SUMF1: variants seen among roughly 807,000 people sequenced by gnomAD.
The protein encoded by SUMF1 is formylglycine-generating enzyme.
A neutral mutation model predicts 47.6 loss-of-function variants in SUMF1; 48 were observed. The observed-to-expected ratio is 1.01, with a 90% CI of 0.80 to 1.28. The LOEUF (loss-of-function observed/expected upper bound fraction) is 1.28. SUMF1 is among the 50% of genes most tolerant of loss of function. The pLI, the probability that SUMF1 is intolerant of heterozygous loss-of-function variation, is 0.00. For synonymous variants in SUMF1, 230 were observed against 192.1 expected (o/e 1.20, Z -1.63); for missense variants, 571 against 485.4 (o/e 1.18, Z -1.66).
chr3:4,372,106 G>A (rs748462923), intron 8 of SUMF1, among the ~76,000 whole-genome samples: 11 of 152,088 alleles, frequency 7.2e-5, no homozygotes, highest in South Asian at 2.1e-4. Flanking sequence ...TCAGGAGTTC[G>A]AGACCAGCCT....
intron 6 of SUMF1, among the ~76,000 whole-genome samples, chr3:4,415,785 C>CA (rs1319098076): frequency 6.6e-6 from 1 of 152,034 alleles, no homozygotes; most frequent in East Asian, 1.9e-4. Flanking sequence ...TGCACTACAG[C>CA]CTGAGTGACA....
intron 8 of SUMF1, among the ~76,000 whole-genome samples, chr3:4,212,134 G>A (rs1474043607): frequency 1.3e-5 from 2 of 152,148 alleles, no homozygotes; most frequent in Non-Finnish European, 2.9e-5. Context: ...ATCCTGACTG[G>A]GAGACACCTC....
intron 8 of SUMF1, among the ~76,000 whole-genome samples, chr3:4,262,860 TCTAAGGAAAATCAAAGTG>T (rs539038061): frequency 3.3e-5 from 5 of 152,090 alleles, no homozygotes; most frequent in Non-Finnish European, 7.4e-5. Context: ...AGTTTGTTTG[TCTAAGGAAAATCAAAGTG>T]CTACGTAAAG....
At chr3:4,137,819 CA>C (rs1180546603) in intron 8 of SUMF1, among the ~76,000 whole-genome samples, 14 of 152,032 alleles carry the variant, frequency 9.2e-5, no homozygotes, top group Non-Finnish European at 1.9e-4. Context: ...AGCAACTGCG[CA>C]GAAAAAGAAA....
chr3:4,238,327 T>G lies in SUMF1; in HGVS notation c.1014+138003A>C, dbSNP rs1286791646. On this transcript the variant is annotated intron_variant and NMD_transcript_variant, in intron 8 of 12. Coordinates refer to the SUMF1 transcript ENST00000448413. ...TTGCTGGGTCAAATGTTATTTCTGG[T>G]TCTAGATCCTTGAGGAATTGCCATA... 3.9e-5 allele frequency among the ~76,000 whole-genome samples: 6 copies of G among 152,200 alleles called. No individual in the cohort carries two copies. In the East Asian group the frequency reaches 1.2e-3, roughly 29 times the overall value.
At chr3:4,406,899 C>G (rs138927538) in intron 7 of SUMF1, among the ~76,000 whole-genome samples, 1 of 152,144 alleles carries the variant, frequency 6.6e-6, no homozygotes, top group African/African-American at 2.4e-5. Flanking sequence ...CACTACATAG[C>G]ACCACAGATT....
intron 8 of SUMF1, among the ~76,000 whole-genome samples, chr3:4,152,835 G>A (rs1694368684): frequency 6.6e-6 from 1 of 151,434 alleles, no homozygotes; most frequent in Admixed American, 6.5e-5. Flanking sequence ...AAGCGCTATT[G>A]AGTAATATCA....
intron 8 of SUMF1, among the ~76,000 whole-genome samples, chr3:4,274,668 C>G (rs1697376590): frequency 6.6e-6 from 1 of 152,068 alleles, no homozygotes; most frequent in Admixed American, 6.6e-5. Context: ...ACTGAATATC[C>G]CACTGTAAAA....
intron 9 of SUMF1, among the ~76,000 whole-genome samples, chr3:4,051,051 T>A (rs1695102106): frequency 6.6e-6 from 1 of 151,236 alleles, no homozygotes; most frequent in Non-Finnish European, 1.5e-5. Context: ...TGCGCACAAC[T>A]ACCCACATAT....
intron 7 of SUMF1, among the ~76,000 whole-genome samples, chr3:4,394,644 C>T (rs11917232): frequency 6.6e-6 from 1 of 152,152 alleles, no homozygotes. Flanking sequence ...TTAGGATGTG[C>T]TACAGAAGAC....
intron 8 of SUMF1, among the ~76,000 whole-genome samples, chr3:4,177,541 T>A (rs1009536829): frequency 3.9e-5 from 6 of 152,074 alleles, no homozygotes; most frequent in Non-Finnish European, 8.8e-5. Context: ...TTTAAAGAAG[T>A]GTGTAGAGGG....
intron 8 of SUMF1, among the ~76,000 whole-genome samples, chr3:4,128,337 G>A (rs555909170): frequency 3.3e-5 from 5 of 152,232 alleles, no homozygotes; most frequent in Admixed American, 3.3e-4. Context: ...GGATGTGTAG[G>A]AGGACCCTGA....
intron 8 of SUMF1, among the ~76,000 whole-genome samples, chr3:4,198,030 C>CT (rs11413694): frequency 0.7 from 94,387 of 134,402 alleles, 32,057 homozygotes; most frequent in African/African-American, 0.75. Context: ...TTGTTTTAGG[C>CT]TTTTTTTTTT....
chr3:4,137,007 C>G (rs1182574756), intron 8 of SUMF1, among the ~76,000 whole-genome samples: 1 of 152,082 alleles, frequency 6.6e-6, no homozygotes, highest in East Asian at 1.9e-4. Flanking sequence ...AATAGGAACA[C>G]TTTTACACTG....
At chr3:4,084,006 CAAT>C (rs887909592) in intron 8 of SUMF1, among the ~76,000 whole-genome samples, 5 of 151,970 alleles carry the variant, frequency 3.3e-5, no homozygotes, top group Admixed American at 6.5e-5. Context: ...TTTACAAAAA[CAAT>C]GATGTTTATT....
At chr3:4,072,852 C>T (rs537562066) in intron 8 of SUMF1, among the ~76,000 whole-genome samples, 10 of 152,250 alleles carry the variant, frequency 6.6e-5, no homozygotes, top group African/African-American at 2.2e-4. Flanking sequence ...ACCAAACCTA[C>T]GTTTGACTGG....
intron 8 of SUMF1, among the ~76,000 whole-genome samples, chr3:4,363,442 C>G (rs1266902430): frequency 1.3e-5 from 2 of 151,720 alleles, no homozygotes; most frequent in African/African-American, 2.4e-5. Flanking sequence ...CCTTCACGTC[C>G]CTTGTAAGGT....
chr3:4,061,140 T>C (rs1655072058), intron 9 of SUMF1, among the ~76,000 whole-genome samples: 1 of 152,192 alleles, frequency 6.6e-6, no homozygotes. Flanking sequence ...GGCAGCCCCC[T>C]GATCCAGAAT....
chr3:4,192,362 TA>T (rs1408160610), intron 8 of SUMF1, among the ~76,000 whole-genome samples: 1 of 152,140 alleles, frequency 6.6e-6, no homozygotes, highest in African/African-American at 2.4e-5. Context: ...AATAAGAATA[TA>T]AAGCCAAATT....
Sources: gnomAD v4.1 joint callset for allele counts (sites outside exome capture counted in the v4.1 genomes callset) on GRCh38, gnomAD v4.1.1 for gene constraint, MANE v1.5 for transcripts, NCBI Gene and HGNC (gene_info 2026-07-23, HGNC 2026-07-21) for gene names.